The following PDE8A variants were observed in gnomAD, a reference collection of about 807,000 sequenced individuals.
The protein encoded by PDE8A is high affinity cAMP-specific and IBMX-insensitive 3',5'-cyclic phosphodiesterase 8A.
In PDE8A, 59 loss-of-function variants were observed where a neutral mutation model predicts 105.0. The observed-to-expected ratio is 0.56, with a 90% CI of 0.46 to 0.70. The LOEUF (loss-of-function observed/expected upper bound fraction) is 0.70. PDE8A is among the 30% of genes least tolerant of loss of function. The pLI is 0.00. For synonymous variants in PDE8A, 355 were observed against 371.9 expected (o/e 0.95, Z 0.52); for missense variants, 1,014 against 1,045.9 (o/e 0.97, Z 0.42).
intron 11 of PDE8A, among the ~76,000 whole-genome samples, chr15:85,102,967 T>G (rs2081890090): frequency 6.6e-6 from 1 of 152,104 alleles, no homozygotes; most frequent in African/African-American, 2.4e-5. Context: ...ACACCTCTAA[T>G]CCTAGCACTT....
At chr15:85,028,905 T>C (rs1006266189) in intron 1 of PDE8A, among the ~76,000 whole-genome samples, 2 of 152,138 alleles carry the variant, frequency 1.3e-5, no homozygotes, top group South Asian at 4.1e-4. Flanking sequence ...GCATATTTCA[T>C]TGCATATGTT....
At chr15:85,040,843 A>G (rs1596466414) in intron 1 of PDE8A, among the ~76,000 whole-genome samples, 1 of 151,398 alleles carries the variant, frequency 6.6e-6, no homozygotes, top group Non-Finnish European at 1.5e-5. Context: ...ACAGGCGTGA[A>G]CCACCACACC....
intron 1 of PDE8A, among the ~76,000 whole-genome samples, chr15:85,038,217 GT>G (rs1427451560): frequency 0.023 from 56 of 2,454 alleles, 1 homozygote; most frequent in Admixed American, 0.092. Context: ...CAATTGGGGG[GT>G]GTGTGTGTGT....
At chr15:85,009,173 T>C (rs2080201101) in intron 1 of PDE8A, among the ~76,000 whole-genome samples, 1 of 151,140 alleles carries the variant, frequency 6.6e-6, no homozygotes, top group South Asian at 2.1e-4. Context: ...ATATTCAAAG[T>C]GGAAAAGGGT....
chr15:85,090,919 A>T lies in PDE8A; in HGVS notation c.715-125A>T, dbSNP rs897645778. ...TTATGGCTTCACAACTGCCACGGTG[A>T]GGTCCAGGCTCCTGAGCTTTTTCTG... On this transcript the variant is annotated intron_variant, in intron 7 of 21. Coordinates refer to ENST00000394553, the MANE Select transcript of PDE8A (RefSeq NM_002605.3). 6.8e-6 allele frequency: 5 copies of T among 740,660 alleles called. No individual in the cohort carries two copies. In the African/African-American group the frequency reaches 8.8e-5, roughly 13 times the overall value. 45.9% of individuals were successfully genotyped at this position (740,660 alleles called of 1,614,324 possible).
At chr15:85,092,512 C>T (rs1353742448) in intron 8 of PDE8A, among the ~76,000 whole-genome samples, 2 of 152,062 alleles carry the variant, frequency 1.3e-5, no homozygotes, top group African/African-American at 4.8e-5. Context: ...GAGCAGCAGT[C>T]ATCCGAGACC....
intron 6 of PDE8A, among the ~76,000 whole-genome samples, chr15:85,086,144 T>G (rs1006704951): frequency 6.6e-6 from 1 of 152,158 alleles, no homozygotes; most frequent in Admixed American, 6.5e-5. Context: ...AAAGTTAAGC[T>G]ACGTTCCAAT....
Position 85,113,899 on chromosome 15 carries a change from G to A in PDE8A, c.1212G>A (p.Gln404=), listed in dbSNP as rs553942514. 1 of 1,613,382 alleles carries A rather than the reference G, an allele frequency of 6.2e-7. No individual in the cohort carries two copies. The highest frequency in any genetic ancestry group is 1.7e-5 in the Admixed American group (1 of 59,968). ...TAATCAATATTATCAATGCTGCCCA[G>A]GAAAGTAGTCCCATGCCTGTGACAG... is the stretch of plus-strand genomic sequence containing the variant. ...TKVINIINAA[Q]ESSPMPVTEA... Residue 404 remains glutamine (Q), a synonymous_variant, in exon 14 of 22, where the codon CAG becomes CAA. Coordinates refer to ENST00000394553, the MANE Select transcript of PDE8A (RefSeq NM_002605.3).
At chr15:84,988,097 C>T (rs1035372080) in intron 1 of PDE8A, among the ~76,000 whole-genome samples, 2 of 152,152 alleles carry the variant, frequency 1.3e-5, no homozygotes, top group Admixed American at 1.3e-4. Context: ...AAGATGTTAT[C>T]TCATTTAATC....
intron 1 of PDE8A, among the ~76,000 whole-genome samples, chr15:85,011,682 C>T (rs1476292172): frequency 2.6e-5 from 4 of 152,064 alleles, no homozygotes. Flanking sequence ...CAACAAAAGC[C>T]AAAATTGACA....
intron 11 of PDE8A, among the ~76,000 whole-genome samples, chr15:85,102,903 A>G (rs1212087975): frequency 6.6e-6 from 1 of 151,440 alleles, no homozygotes; most frequent in African/African-American, 2.4e-5. Context: ...TTCCTTTATT[A>G]CAGAGGAAGA....
rs191941550 is a variant in PDE8A, at chr15:85,108,770, C to T, written c.1037-283C>T. 3.3e-3 allele frequency among the ~76,000 whole-genome samples: 498 copies of T among 152,106 alleles called. 3 individuals carry two copies. The highest frequency in any genetic ancestry group is 0.011 in the African/African-American group (467 of 41,484). On this transcript the variant is annotated intron_variant, in intron 11 of 21. Transcript: ENST00000394553. Reference sequence around the variant, plus strand: ...TAGAAATATAATAGGAGAAATTCTCCTGAGGTCATTTCTATCAGTTGTCAC... The same window carrying T: ...TAGAAATATAATAGGAGAAATTCTCTTGAGGTCATTTCTATCAGTTGTCAC...
In PDE8A at chr15:85,058,410, C is replaced by A. The variant is rs1209232587; in HGVS notation, c.187-5960C>A. ...CCCTAACTTTGGTATCAAGGTAATA[C>A]TGGCGTCATAGAATGAGTTAGGAAG... is the stretch of plus-strand genomic sequence containing the variant. On this transcript the variant is annotated intron_variant, in intron 1 of 21. Transcript: ENST00000394553. Among the ~76,000 whole-genome samples the A allele has an allele frequency of 3.3e-5, 5 of 152,290 alleles. No homozygotes were observed. In the East Asian group the frequency reaches 9.7e-4, roughly 29 times the overall value.
intron 1 of PDE8A, among the ~76,000 whole-genome samples, chr15:85,051,971 C>A (rs1360489708): frequency 2.6e-5 from 4 of 151,802 alleles, no homozygotes; most frequent in Non-Finnish European, 4.4e-5. Context: ...TCCCCTCCCC[C>A]CTCCCCACAC....
At chr15:85,063,273 A>G (rs1439492300) in intron 1 of PDE8A, 1 of 152,032 alleles carries the variant, frequency 6.6e-6, no homozygotes, top group Non-Finnish European at 1.5e-5. Flanking sequence ...TTGAGGGGAG[A>G]GATTGGAGGA....
chr15:84,987,140 A>G (rs1182847765), intron 1 of PDE8A, among the ~76,000 whole-genome samples: 1 of 152,154 alleles, frequency 6.6e-6, no homozygotes, highest in Non-Finnish European at 1.5e-5. Flanking sequence ...GAGTTCCCTC[A>G]TTGTGTTCTT....
At chr15:85,134,296 A>G (rs74027416) in intron 20 of PDE8A, among the ~76,000 whole-genome samples, 4,923 of 152,290 alleles carry the variant, frequency 0.032, 210 homozygotes, top group African/African-American at 0.099. Flanking sequence ...CTGCCCAGAG[A>G]GAGCTGGCTT....
intron 3 of PDE8A, among the ~76,000 whole-genome samples, chr15:85,073,719 TGTGA>T (rs2081344323): frequency 6.6e-6 from 1 of 152,250 alleles, no homozygotes; most frequent in Non-Finnish European, 1.5e-5. Context: ...AAATACCATT[TGTGA>T]GTCACGCCTT....
intron 1 of PDE8A, among the ~76,000 whole-genome samples, chr15:85,019,464 G>T (rs900278220): frequency 2.0e-5 from 3 of 152,144 alleles, no homozygotes; most frequent in Non-Finnish European, 4.4e-5. Flanking sequence ...GTGTTGCCCA[G>T]GCTGGACTAG....
Sources: allele counts gnomAD v4.1 joint callset (sites outside exome capture counted in the v4.1 genomes callset), GRCh38; gene constraint gnomAD v4.1.1; transcripts MANE v1.5; gene names NCBI Gene and HGNC (gene_info 2026-07-23, HGNC 2026-07-21).